LRRC4C: variants seen among roughly 807,000 people sequenced by gnomAD.
LRRC4C encodes leucine-rich repeat-containing protein 4C.
In LRRC4C, 5 loss-of-function variants were observed where a neutral mutation model predicts 33.6. That is an observed-to-expected ratio of 0.15 (90% CI 0.08 to 0.31). The LOEUF (loss-of-function observed/expected upper bound fraction) is 0.31, where lower values mean the gene tolerates loss of function less well. LRRC4C is among the 10% of genes least tolerant of loss of function. The probability of loss-of-function intolerance (pLI) is 1.00; values close to 1 mark genes in which losing one functional copy is unlikely to be tolerated. For missense variants in LRRC4C, 560 were observed against 796.7 expected, an observed-to-expected ratio of 0.70 and a Z score of 3.58; for synonymous variants, 329 against 302.0, an observed-to-expected ratio of 1.09 and a Z score of -0.93.
chr11:40,958,380 G>C (rs1011365211), intron 1 of LRRC4C, among the ~76,000 whole-genome samples: 1 of 151,746 alleles, frequency 6.6e-6, no homozygotes, highest in African/African-American at 2.4e-5. Flanking sequence ...GTGTTTAGAA[G>C]AGTTTCTGTT....
chr11:40,374,401 A>T (rs933427952), intron 3 of LRRC4C, among the ~76,000 whole-genome samples: 1 of 152,182 alleles, frequency 6.6e-6, no homozygotes, highest in South Asian at 2.1e-4. Context: ...AAATACTTAT[A>T]GTTCATGTGC....
chr11:40,245,677 C>T lies in LRRC4C; in HGVS notation c.-175-4079G>A, dbSNP rs115483699. Among the ~76,000 whole-genome samples the T allele has an allele frequency of 2.8e-3, 430 of 152,086 alleles. 2 individuals carry two copies. The highest frequency in any genetic ancestry group is 9.7e-3 in the African/African-American group (402 of 41,472). ...AAATTGATTTTATCATCATCTCTGGCGGCATGAATTCAATCAAATTATTAA... is the reference window on the plus strand; with the variant it reads ...AAATTGATTTTATCATCATCTCTGGTGGCATGAATTCAATCAAATTATTAA... On this transcript the variant is annotated intron_variant, in intron 4 of 6. Coordinates refer to ENST00000528697, the MANE Select transcript of LRRC4C (RefSeq NM_001258419.2).
chr11:40,992,299 A>G (rs1853634374), intron 1 of LRRC4C, among the ~76,000 whole-genome samples: 2 of 152,084 alleles, frequency 1.3e-5, no homozygotes, highest in East Asian at 3.8e-4. Context: ...GAAAATAAGT[A>G]TTTTCATGAA....
chr11:41,086,961 G>A (rs1381496121), intron 1 of LRRC4C, among the ~76,000 whole-genome samples: 2 of 150,664 alleles, frequency 1.3e-5, no homozygotes, highest in African/African-American at 2.4e-5. Flanking sequence ...CAATTTTTAA[G>A]TCAGGAATAT....
chr11:40,519,896 G>A (rs1324476655), intron 3 of LRRC4C, among the ~76,000 whole-genome samples: 2 of 152,196 alleles, frequency 1.3e-5, no homozygotes, highest in Non-Finnish European at 2.9e-5. Flanking sequence ...GGTCATGGAT[G>A]AAGGTGACTA....
At chr11:40,488,739 A>G (rs1953999856) in intron 3 of LRRC4C, among the ~76,000 whole-genome samples, 1 of 152,070 alleles carries the variant, frequency 6.6e-6, no homozygotes, top group Non-Finnish European at 1.5e-5. Context: ...TGGACTTGAC[A>G]CATCCTGTGC....
At chr11:41,286,434 G>GA (rs1332555545) in intron 1 of LRRC4C, among the ~76,000 whole-genome samples, 2 of 152,086 alleles carry the variant, frequency 1.3e-5, no homozygotes, top group African/African-American at 4.8e-5. Context: ...TTGAGCACTA[G>GA]AAAAAGTAAC....
At chr11:41,323,978 A>T (rs773182018) in intron 1 of LRRC4C, among the ~76,000 whole-genome samples, 1 of 152,180 alleles carries the variant, frequency 6.6e-6, no homozygotes, top group Non-Finnish European at 1.5e-5. Context: ...AAGTACTTAG[A>T]TATTTTTGAA....
At position 41,187,850 on chromosome 11, in the gene LRRC4C, G is replaced by A. The variant is rs1252937763; in HGVS notation, c.-495-254127C>T. Among the ~76,000 whole-genome samples, 3 of 152,366 alleles carry A rather than the reference G, an allele frequency of 2.0e-5. No individual in the cohort carries two copies. The East Asian group carries it at 5.8e-4, about 29-fold the overall frequency. ...CGCTAGAGGTTTGAGCAGCAGGGTA[G>A]CAAAGAAGTAAGCCACATACCAATT... On this transcript the variant is annotated intron_variant, in intron 1 of 6. Coordinates refer to ENST00000528697, the MANE Select transcript of LRRC4C (RefSeq NM_001258419.2).
intron 1 of LRRC4C, among the ~76,000 whole-genome samples, chr11:41,017,390 T>C (rs1309895902): frequency 1.3e-5 from 2 of 152,198 alleles, no homozygotes; most frequent in African/African-American, 2.4e-5. Flanking sequence ...AGCCTTTGAT[T>C]ATATCCAAGG....
At chr11:40,552,497 C>T (rs1018315686) in intron 3 of LRRC4C, among the ~76,000 whole-genome samples, 2 of 152,166 alleles carry the variant, frequency 1.3e-5, no homozygotes, top group African/African-American at 4.8e-5. Flanking sequence ...GAACCCCCCA[C>T]AATGTAGGGA....
chr11:40,260,509 C>A, intron 4 of LRRC4C, among the ~76,000 whole-genome samples: 1 of 150,288 alleles, frequency 6.7e-6, no homozygotes, highest in Non-Finnish European at 1.5e-5. Context: ...ACATATGTAA[C>A]TAACCTGCAC....
intron 4 of LRRC4C, chr11:40,292,056 A>C (rs939584722): frequency 1.3e-5 from 2 of 151,806 alleles, no homozygotes; most frequent in African/African-American, 4.8e-5. Context: ...TGGGCCACCC[A>C]TTCCCTTATT....
chr11:40,390,188 C>T (rs1229180886), intron 3 of LRRC4C, among the ~76,000 whole-genome samples: 5 of 152,112 alleles, frequency 3.3e-5, no homozygotes, highest in Non-Finnish European at 4.4e-5. Context: ...AAGCAAATAA[C>T]CTTTGATTAG....
Position 40,178,485 on chromosome 11 carries a change from G to A in LRRC4C, c.-95-37632C>T, listed in dbSNP as rs1260429292. On this transcript the variant is annotated intron_variant, in intron 5 of 6. Coordinates refer to ENST00000528697, the MANE Select transcript of LRRC4C (RefSeq NM_001258419.2). ...CATTTGCTGCTTAAGCTTAGGGTAA[G>A]CTAGAAAGTTAGGGAATACATCTGG... Among the ~76,000 whole-genome samples, 3 of 152,334 alleles carry A rather than the reference G, an allele frequency of 2.0e-5. No individual in the cohort carries two copies. The East Asian group carries it at 5.8e-4, about 29-fold the overall frequency.
intron 1 of LRRC4C, among the ~76,000 whole-genome samples, chr11:41,013,536 C>A (rs1180568145): frequency 1.3e-5 from 2 of 152,058 alleles, no homozygotes; most frequent in Non-Finnish European, 1.5e-5. Flanking sequence ...AAAGAAAAAA[C>A]CCTGAATTTT....
chr11:41,407,779 T>A (rs2138179778), intron 1 of LRRC4C, among the ~76,000 whole-genome samples: 1 of 152,302 alleles, frequency 6.6e-6, no homozygotes, highest in South Asian at 2.1e-4. Flanking sequence ...AATATTCTGT[T>A]TACTTGGCAG....
intron 4 of LRRC4C, among the ~76,000 whole-genome samples, chr11:40,253,898 T>C (rs1377105): frequency 0.17 from 25,299 of 152,248 alleles, 2,594 homozygotes; most frequent in Admixed American, 0.28. Context: ...GAGGTACTGC[T>C]TACGTTATGA....
chr11:40,373,654 G>C (rs1948548325), intron 3 of LRRC4C, among the ~76,000 whole-genome samples: 1 of 152,154 alleles, frequency 6.6e-6, no homozygotes, highest in African/African-American at 2.4e-5. Context: ...ATTCGATCAT[G>C]GTGGCGGCTC....
Sources: gnomAD v4.1 joint callset for allele counts (sites outside exome capture counted in the v4.1 genomes callset) on GRCh38, gnomAD v4.1.1 for gene constraint, MANE v1.5 for transcripts, NCBI Gene and HGNC (gene_info 2026-07-23, HGNC 2026-07-21) for gene names.